Variants in FAR2 observed in about 807,000 individuals in gnomAD.
FAR2 encodes the protein epididymis secretory protein Li 81.
In FAR2, 19 loss-of-function variants were observed where a neutral mutation model predicts 56.0. That is an observed-to-expected ratio of 0.34 (90% CI 0.24 to 0.50). FAR2 has a LOEUF of 0.50. Ranked by LOEUF, FAR2 falls within the 20% of genes least tolerant of loss-of-function variation. The pLI is 0.98. For missense variants in FAR2, 508 were observed against 642.2 expected (o/e 0.79, Z 2.26); for synonymous variants, 219 against 218.8 (o/e 1.00, Z -0.01).
chr12:29,218,128 G>A (rs1046259551), intron 1 of FAR2, among the ~76,000 whole-genome samples: 12 of 152,054 alleles, frequency 7.9e-5, no homozygotes, highest in African/African-American at 2.9e-4. Flanking sequence ...AGGCCAAGGC[G>A]GGAGGATCAC....
At chr12:29,195,264 G>A (rs1315111149) in intron 1 of FAR2, among the ~76,000 whole-genome samples, 1 of 152,140 alleles carries the variant, frequency 6.6e-6, no homozygotes, top group African/African-American at 2.4e-5. Flanking sequence ...GGTAGAATAA[G>A]ACTATTTTAA....
chr12:29,272,573 A>T (rs1948637157), intron 2 of FAR2, among the ~76,000 whole-genome samples: 1 of 152,188 alleles, frequency 6.6e-6, no homozygotes, highest in African/African-American at 2.4e-5. Context: ...TTTAGGTTAG[A>T]ACATGCTCCT....
intron 1 of FAR2, among the ~76,000 whole-genome samples, chr12:29,220,587 A>G (rs1029429073): frequency 2.0e-5 from 3 of 152,130 alleles, no homozygotes; most frequent in African/African-American, 7.2e-5. Context: ...ATTGTTTATG[A>G]TATTTAGTGT....
intron 2 of FAR2, 75 bp downstream of exon 2, chr12:29,270,713 G>T: frequency 1.5e-6 from 2 of 1,311,476 alleles, no homozygotes; most frequent in Non-Finnish European, 2.0e-6. Context: ...TTCTCTTATA[G>T]TCTCATATTG....
At chr12:29,194,309 C>T (rs1474499829) in intron 1 of FAR2, among the ~76,000 whole-genome samples, 1 of 152,114 alleles carries the variant, frequency 6.6e-6, no homozygotes, top group Admixed American at 6.6e-5. Flanking sequence ...TTAGCATTGA[C>T]TAGATTCAAT....
chr12:29,170,554 CTT>C (rs1949875099), intron 1 of FAR2, among the ~76,000 whole-genome samples: 1 of 152,140 alleles, frequency 6.6e-6, no homozygotes, highest in Non-Finnish European at 1.5e-5. Context: ...TTTCATCTCT[CTT>C]TCTTTTTCTT....
At chr12:29,325,793 A>C (rs1476498848) in intron 10 of FAR2, among the ~76,000 whole-genome samples, 1 of 152,252 alleles carries the variant, frequency 6.6e-6, no homozygotes, top group Non-Finnish European at 1.5e-5. Flanking sequence ...CCACAAGAGA[A>C]AGCAAGAAAG....
intron 1 of FAR2, among the ~76,000 whole-genome samples, chr12:29,255,919 G>C (rs1397303276): frequency 6.6e-6 from 1 of 151,846 alleles, no homozygotes; most frequent in Non-Finnish European, 1.5e-5. Flanking sequence ...ACCCAGGCTT[G>C]AGTGCGGTGG....
chr12:29,326,398 T>G (rs1022036711), intron 10 of FAR2, among the ~76,000 whole-genome samples: 11 of 152,030 alleles, frequency 7.2e-5, no homozygotes, highest in Non-Finnish European at 1.2e-4. Flanking sequence ...CCTAACTCAT[T>G]TTATGAGGCC....
At chr12:29,265,482 G>A (rs1057323089) in intron 1 of FAR2, among the ~76,000 whole-genome samples, 1 of 152,144 alleles carries the variant, frequency 6.6e-6, no homozygotes, top group Non-Finnish European at 1.5e-5. Flanking sequence ...ATATGCAGAA[G>A]AATGAAACTA....
chr12:29,290,276 T>C (rs1948944618), intron 2 of FAR2, among the ~76,000 whole-genome samples: 2 of 151,822 alleles, frequency 1.3e-5, no homozygotes, highest in Non-Finnish European at 2.9e-5. Context: ...CGAAACCCCA[T>C]CTCTACTAAA....
At chr12:29,309,429 CAG>C (rs1218748992) in intron 6 of FAR2, among the ~76,000 whole-genome samples, 199 bp downstream of exon 6, 7 of 152,188 alleles carry the variant, frequency 4.6e-5, no homozygotes, top group Non-Finnish European at 8.8e-5. Flanking sequence ...ATCAGAAAAA[CAG>C]AGGTAATGTG....
chr12:29,307,459 A>C (rs1456379379), intron 4 of FAR2, among the ~76,000 whole-genome samples, 199 bp from the exon 5 acceptor site: 1 of 151,408 alleles, frequency 6.6e-6, no homozygotes, highest in Non-Finnish European at 1.5e-5. Context: ...GCATAGGATA[A>C]GATTGGGCTT....
At chr12:29,320,473 T>C (rs910509794) in intron 9 of FAR2, among the ~76,000 whole-genome samples, 12 of 152,300 alleles carry the variant, frequency 7.9e-5, no homozygotes, top group East Asian at 5.8e-4. Flanking sequence ...TTTCCTATGA[T>C]ACAGTAAGAG....
chr12:29,229,952 C>G (rs1947830014), intron 1 of FAR2, among the ~76,000 whole-genome samples: 1 of 152,044 alleles, frequency 6.6e-6, no homozygotes, highest in Non-Finnish European at 1.5e-5. Flanking sequence ...ATTCATTCTT[C>G]CTGCAGCCTT....
At chr12:29,311,004 T>C in intron 6 of FAR2, 24 bp from the exon 7 acceptor site, 2 of 1,557,212 alleles carry the variant, frequency 1.3e-6, no homozygotes, top group Non-Finnish European at 1.8e-6. Flanking sequence ...TGGTTTAATA[T>C]TTTATGTTCT....
intron 1 of FAR2, among the ~76,000 whole-genome samples, chr12:29,181,771 A>G (rs1163568415): frequency 6.6e-6 from 1 of 152,218 alleles, no homozygotes; most frequent in Admixed American, 6.5e-5. Flanking sequence ...TTTAATCTCA[A>G]CATTTCCCCC....
At chr12:29,216,710 G>A (rs1055903913) in intron 1 of FAR2, among the ~76,000 whole-genome samples, 2 of 152,064 alleles carry the variant, frequency 1.3e-5, no homozygotes, top group Non-Finnish European at 2.9e-5. Context: ...CTTTCTGACA[G>A]CCCAGAACAT....
chr12:29,199,873 C>A (rs1358411645), intron 1 of FAR2, among the ~76,000 whole-genome samples: 1 of 152,036 alleles, frequency 6.6e-6, no homozygotes. Flanking sequence ...AAGATGGTGG[C>A]ATTAATCAGG....
Sources: gnomAD v4.1 joint callset for allele counts (sites outside exome capture counted in the v4.1 genomes callset) on GRCh38, gnomAD v4.1.1 for gene constraint, MANE v1.5 for transcripts, NCBI Gene and HGNC (gene_info 2026-07-23, HGNC 2026-07-21) for gene names.